OSMR: variants seen among roughly 807,000 people sequenced by gnomAD.
OSMR encodes the protein oncostatin-M-specific receptor subunit beta.
OSMR carries 81 observed loss-of-function variants against 99.9 expected under a neutral mutation model. That is an observed-to-expected ratio of 0.81 (90% CI 0.68 to 0.97). OSMR has a LOEUF of 0.97. OSMR is among the 50% of genes least tolerant of loss of function. OSMR has a pLI of 0.00. For synonymous variants in OSMR, 406 were observed against 410.4 expected (o/e 0.99, Z 0.13); for missense variants, 1,099 against 1,153.4 (o/e 0.95, Z 0.68).
At chr5:38,874,659 A>G (rs1469604834) in intron 2 of OSMR, among the ~76,000 whole-genome samples, 1 of 152,162 alleles carries the variant, frequency 6.6e-6, no homozygotes, top group Non-Finnish European at 1.5e-5. Context: ...CATGCAAAAT[A>G]CTTCTCAGAC....
intron 7 of OSMR, among the ~76,000 whole-genome samples, chr5:38,900,429 C>T (rs1020549821): frequency 6.6e-6 from 1 of 152,092 alleles, no homozygotes; most frequent in African/African-American, 2.4e-5. Context: ...TGCTTTTTTT[C>T]ATATAATTGT....
intron 1 of OSMR, among the ~76,000 whole-genome samples, chr5:38,864,540 G>GTTTTTTTTTTT (rs33918195): frequency 1.4e-5 from 2 of 147,252 alleles, no homozygotes; most frequent in Non-Finnish European, 1.5e-5. Flanking sequence ...CTTGCCTGAA[G>GTTTTTTTTTTT]TTTTTTTTTT....
intron 12 of OSMR, among the ~76,000 whole-genome samples, chr5:38,922,787 G>A (rs575740955): frequency 1.3e-5 from 2 of 152,210 alleles, no homozygotes; most frequent in East Asian, 3.9e-4. Flanking sequence ...TTTGGGGGGT[G>A]TGGTGGGGAA....
rs1746800881 is a variant in OSMR at position 38,932,533 on chromosome 5, A to C, written c.2365A>C (p.Lys789Gln). 1 of 1,612,816 alleles carries C rather than the reference A, an allele frequency of 6.2e-7. No individual in the cohort carries two copies. Residue 789 changes from lysine (K) to glutamine (Q), a missense_variant and splice_region_variant, in exon 17 of 18, where the codon AAG (lysine) becomes CAG (glutamine). Transcript: ENST00000274276. ...KSSILSLIKF[K>Q]ENPHLIIMNV... The stretch of plus-strand genomic sequence containing the variant: ...CAGCATCCTGTCATTAATAAAATTC[A>C]AGGTAAATGTTGGCAAATTGTATGT...
intron 15 of OSMR, among the ~76,000 whole-genome samples, chr5:38,926,469 G>A (rs1746480178): frequency 6.6e-6 from 1 of 152,200 alleles, no homozygotes; most frequent in African/African-American, 2.4e-5. Context: ...CATGGCAGAA[G>A]GGAAAGCAAA....
In OSMR at chr5:38,903,912, T is replaced by C. The variant is rs551151088; in HGVS notation, c.1022T>C (p.Phe341Ser). 2 of 1,613,460 alleles carry C rather than the reference T, an allele frequency of 1.2e-6. No individual in the cohort carries two copies. The highest frequency in any genetic ancestry group is 2.2e-5 in the East Asian group (1 of 44,848). ...TTAATGAATCCTTTTAGTGTCAACT[T>C]TGAAAATGTAAATGCCACAAATGCC... Reference protein sequence around the residue: ...VYLMNPFSVNFENVNATNAIM... With the variant: ...VYLMNPFSVNSENVNATNAIM... The change falls in exon 8 of 18, where the codon TTT becomes TCT. Residue 341 changes from phenylalanine to serine, a missense_variant. Physicochemically the swap from Phe to Ser is radical, Grantham distance 155 (BLOSUM62 -2). Transcript: ENST00000274276.
In OSMR at chr5:38,846,345, C is replaced by G. The variant is rs1739808059; in HGVS notation, c.-56C>G. On this transcript the variant is annotated 5_prime_UTR_variant, in exon 1 of 18. Coordinates refer to ENST00000274276, the MANE Select transcript of OSMR (RefSeq NM_003999.3). Reference sequence around the variant, plus strand: ...GCTTGGCTGGGCTACCACCTGCGCTCGGACGGCGCTCGGAGGGTCCTCGCC... The same window carrying G: ...GCTTGGCTGGGCTACCACCTGCGCTGGGACGGCGCTCGGAGGGTCCTCGCC... 6.6e-6 allele frequency: 1 copy of G among 152,326 alleles called. No homozygotes were observed. The highest frequency in any genetic ancestry group is 6.5e-5 in the Admixed American group (1 of 15,294). The allele number at this position is 152,326 out of a possible 1,614,324, so 9.4% of individuals were successfully genotyped here. A position where few individuals can be genotyped will look rare whatever the true frequency, so the allele number is the denominator to read the frequency against.
intron 2 of OSMR, 109 bp from the exon 3 acceptor site, chr5:38,876,092 G>A: frequency 6.7e-7 from 1 of 1,493,106 alleles, no homozygotes; most frequent in Admixed American, 2.1e-5. Context: ...GCACATATGA[G>A]CAATATTTTC....
At chr5:38,887,406 G>A (rs1197868122) in intron 7 of OSMR, among the ~76,000 whole-genome samples, 1 of 152,022 alleles carries the variant, frequency 6.6e-6, no homozygotes, top group Non-Finnish European at 1.5e-5. Flanking sequence ...GTGAGATAGG[G>A]TTATGACACT....
At chr5:38,847,928 G>T (rs1289492038) in intron 1 of OSMR, among the ~76,000 whole-genome samples, 1 of 152,146 alleles carries the variant, frequency 6.6e-6, no homozygotes, top group Non-Finnish European at 1.5e-5. Flanking sequence ...CATAAACACT[G>T]GTTCTTTCCC....
intron 9 of OSMR, among the ~76,000 whole-genome samples, chr5:38,912,584 T>C (rs1745655506): frequency 6.6e-6 from 1 of 151,980 alleles, no homozygotes; most frequent in Admixed American, 6.6e-5. Context: ...TTCAAAAAAT[T>C]GATATGGAAA....
chr5:38,931,100 G>A (rs910980457), intron 15 of OSMR, among the ~76,000 whole-genome samples: 9 of 152,042 alleles, frequency 5.9e-5, no homozygotes, highest in African/African-American at 1.9e-4. Context: ...TTTCACAATG[G>A]TCATTTGAAA....
chr5:38,931,849 TA>T, intron 15 of OSMR, 33 bp from the exon 16 acceptor site: 1 of 1,596,654 alleles, frequency 6.3e-7, no homozygotes, highest in Non-Finnish European at 8.6e-7. Context: ...GAAAAGTACT[TA>T]TTAAAAATGT....
At chr5:38,877,367 GAT>G (rs1742918339) in intron 3 of OSMR, among the ~76,000 whole-genome samples, 1 of 152,148 alleles carries the variant, frequency 6.6e-6, no homozygotes. Flanking sequence ...TGAAATTTGA[GAT>G]CTGCGCAAGT....
intron 9 of OSMR, among the ~76,000 whole-genome samples, chr5:38,915,218 CTT>C (rs760232486): frequency 6.6e-5 from 10 of 152,146 alleles, no homozygotes; most frequent in Non-Finnish European, 8.8e-5. Flanking sequence ...AGGTGATGGA[CTT>C]TGAATTTATG....
intron 7 of OSMR, among the ~76,000 whole-genome samples, chr5:38,892,291 C>T (rs1744213085): frequency 1.3e-5 from 2 of 152,064 alleles, no homozygotes; most frequent in Non-Finnish European, 2.9e-5. Context: ...CCCCCACTGG[C>T]CTGGGATATT....
At position 38,904,425 on chromosome 5, in the gene OSMR, C is replaced by A; in HGVS notation, c.1207C>A (p.Arg403=). The A allele has an allele frequency of 1.2e-6, 2 of 1,614,058 alleles. No individual in the cohort carries two copies. Among genetic ancestry groups the A allele is most frequent in the Non-Finnish European group, 1.7e-6 (2 of 1,180,022 alleles). The change falls in exon 9 of 18, where the codon CGA becomes AGA. Residue 403 remains arginine (R), a synonymous_variant. Coordinates refer to ENST00000274276, the MANE Select transcript of OSMR (RefSeq NM_003999.3). ...ELEPATEYMA[R]VRCADASHFW... is the part of the protein sequence containing the mutation. ...GGAACCTGCCACAGAGTACATGGCG[C>A]GAGTACGGTGTGCTGATGCCAGCCA...
intron 15 of OSMR, among the ~76,000 whole-genome samples, chr5:38,931,024 G>A (rs972996460): frequency 1.3e-5 from 2 of 151,456 alleles, no homozygotes; most frequent in African/African-American, 2.4e-5. Flanking sequence ...TGTTATCTGC[G>A]TGGCCTTCCC....
intron 7 of OSMR, among the ~76,000 whole-genome samples, chr5:38,889,551 A>T (rs1744017007): frequency 6.6e-6 from 1 of 151,984 alleles, no homozygotes; most frequent in African/African-American, 2.4e-5. Flanking sequence ...AATCTGATTT[A>T]TATTGTTCTC....
Sources: gnomAD v4.1 joint callset for allele counts (sites outside exome capture counted in the v4.1 genomes callset) on GRCh38, gnomAD v4.1.1 for gene constraint, MANE v1.5 for transcripts, NCBI Gene and HGNC (gene_info 2026-07-23, HGNC 2026-07-21) for gene names.